RHOT1: variants seen among roughly 807,000 people sequenced by gnomAD.
RHOT1 encodes ras homolog family member T1.
In RHOT1, 27 loss-of-function variants were observed where a neutral mutation model predicts 95.3. The observed-to-expected ratio is 0.28, with a 90% CI of 0.21 to 0.39. The LOEUF (loss-of-function observed/expected upper bound fraction) is 0.39, where lower values mean the gene tolerates loss of function less well. RHOT1 is among the 10% of genes least tolerant of loss of function. RHOT1 has a pLI of 1.00. For synonymous variants in RHOT1, 227 were observed against 263.5 expected (o/e 0.86, Z 1.34); for missense variants, 578 against 786.7 (o/e 0.73, Z 3.17).
At chr17:32,201,133 A>ATTTTTTAAT in intron 14 of RHOT1, 77 bp downstream of exon 14, 1 of 800,312 alleles carries the variant, frequency 1.2e-6, no homozygotes, top group Non-Finnish European at 2.0e-6. Context: ...ACAAAGAGTA[A>ATTTTTTAAT]GAATACACTC....
chr17:32,192,332 C>CTTTTTT (rs397857197), intron 9 of RHOT1, 33 bp downstream of exon 9: 82 of 543,448 alleles, frequency 1.5e-4, no homozygotes, highest in South Asian at 3.7e-4. Flanking sequence ...ATTTGCGTAT[C>CTTTTTT]TTTTTTTTTT....
At chr17:32,154,482 G>A (rs2032714160) in intron 1 of RHOT1, among the ~76,000 whole-genome samples, 2 of 151,386 alleles carry the variant, frequency 1.3e-5, no homozygotes, top group South Asian at 4.2e-4. Context: ...AGCTACTCGG[G>A]AGGCTGAGGC....
intron 1 of RHOT1, among the ~76,000 whole-genome samples, chr17:32,155,479 TTTTC>T (rs947373123): frequency 9.2e-5 from 14 of 151,436 alleles, no homozygotes; most frequent in African/African-American, 1.9e-4. Context: ...TTTCTTTTCT[TTTTC>T]TTTCTTTCTT....
At position 32,183,241 on chromosome 17, in the gene RHOT1, C is replaced by T; in HGVS notation, c.509C>T (p.Thr170Ile). 1.3e-6 allele frequency: 2 copies of T among 1,546,300 alleles called. No individual in the cohort carries two copies. The highest frequency in any genetic ancestry group is 1.3e-5 in the South Asian group (1 of 79,928). ...YYAQKAVLHPTGPLYCPEEKE... is the reference protein window; with the variant it reads ...YYAQKAVLHPIGPLYCPEEKE... Reference sequence around the variant, plus strand: ...GCACAGAAAGCTGTTCTTCATCCTACAGGGCCCCTGTACTGCCCAGAGGAG... The same window carrying T: ...GCACAGAAAGCTGTTCTTCATCCTATAGGGCCCCTGTACTGCCCAGAGGAG... The change falls in exon 8 of 20, where the codon ACA (threonine) becomes ATA (isoleucine). Residue 170 changes from threonine to isoleucine, a missense_variant. By Grantham distance (89) the Thr-to-Ile change is moderately conservative (BLOSUM62 -1). Around this residue, in one of 4 missense-constraint regions of RHOT1, gnomAD observed 227 missense variants for 316.0 expected, o/e 0.72. Transcript: ENST00000545287.
chr17:32,180,960 C>T (rs2035589824), intron 6 of RHOT1, among the ~76,000 whole-genome samples: 1 of 152,232 alleles, frequency 6.6e-6, no homozygotes, highest in Non-Finnish European at 1.5e-5. Context: ...GCTGAAATTA[C>T]AGGCGTGAGC....
intron 2 of RHOT1, 91 bp from the exon 3 acceptor site, chr17:32,173,739 AC>A: frequency 1.1e-6 from 1 of 874,628 alleles, no homozygotes. Flanking sequence ...GAAACACTCA[AC>A]CTGTGTAGAT....
At chr17:32,177,490 T>C (rs1424958704) in intron 6 of RHOT1, among the ~76,000 whole-genome samples, 3 of 152,246 alleles carry the variant, frequency 2.0e-5, no homozygotes, top group African/African-American at 7.2e-5. Flanking sequence ...GTGCGGTGGC[T>C]CACGCCTGTA....
At chr17:32,202,938 T>C in intron 15 of RHOT1, 38 bp downstream of exon 15, 1 of 1,589,486 alleles carries the variant, frequency 6.3e-7, no homozygotes, top group East Asian at 2.2e-5. Context: ...ATCCAACAAA[T>C]TTTTATAGTT....
chr17:32,163,745 G>GA (rs572534526), intron 1 of RHOT1, among the ~76,000 whole-genome samples: 113 of 145,468 alleles, frequency 7.8e-4, no homozygotes, highest in African/African-American at 2.0e-3. Context: ...AAAAGAAAGG[G>GA]AAAAAAAAAA....
chr17:32,173,979 T>C (rs1230522383), intron 3 of RHOT1, 67 bp downstream of exon 3: 1 of 1,109,246 alleles, frequency 9.0e-7, no homozygotes, highest in African/African-American at 1.6e-5. Context: ...AGATACTTAC[T>C]GAGCTTTTAC....
intron 8 of RHOT1, among the ~76,000 whole-genome samples, chr17:32,184,639 C>T (rs892363788): frequency 5.3e-5 from 8 of 151,774 alleles, no homozygotes; most frequent in South Asian, 2.1e-4. Context: ...TGTAGGCATT[C>T]GCCACCGTGC....
At chr17:32,167,195 TC>T (rs2034162294) in intron 1 of RHOT1, among the ~76,000 whole-genome samples, 3 of 151,994 alleles carry the variant, frequency 2.0e-5, no homozygotes, top group African/African-American at 7.2e-5. Context: ...TTGAAAGGAA[TC>T]TTTTTTTTTT....
chr17:32,147,855 A>G (rs905123784), intron 1 of RHOT1, among the ~76,000 whole-genome samples: 13 of 152,042 alleles, frequency 8.6e-5, no homozygotes, highest in African/African-American at 2.2e-4. Context: ...TCCAGTTTCA[A>G]TTACACTGTG....
At chr17:32,207,092 G>A (rs1420478572) in intron 17 of RHOT1, 63 bp downstream of exon 17, 37 of 1,494,072 alleles carry the variant, frequency 2.5e-5, no homozygotes, top group Non-Finnish European at 3.3e-5. Context: ...TGGAATTGCA[G>A]TGTGGTGTTT....
chr17:32,203,358 C>G (rs1008275862), intron 15 of RHOT1, among the ~76,000 whole-genome samples: 3 of 149,286 alleles, frequency 2.0e-5, no homozygotes, highest in African/African-American at 7.5e-5. Context: ...TCACTGCAGC[C>G]TCAACCACCT....
chr17:32,151,525 T>C (rs138405190), intron 1 of RHOT1: 334 of 556,056 alleles, frequency 6.0e-4, no homozygotes, highest in African/African-American at 5.6e-3. Context: ...AAATCTGTCA[T>C]GAATCCCCTT....
intron 8 of RHOT1, among the ~76,000 whole-genome samples, chr17:32,188,761 A>G (rs760075723): frequency 4.6e-5 from 7 of 152,228 alleles, no homozygotes; most frequent in South Asian, 2.1e-4. Flanking sequence ...GTAAGTACCT[A>G]CATGACATGC....
At chr17:32,149,103 A>G (rs957606752) in intron 1 of RHOT1, among the ~76,000 whole-genome samples, 1 of 152,160 alleles carries the variant, frequency 6.6e-6, no homozygotes, top group Non-Finnish European at 1.5e-5. Context: ...TTCTCAGGCA[A>G]AATAGAAGAA....
chr17:32,201,018 T>C lies in RHOT1; in HGVS notation c.1163T>C (p.Ile388Thr). 6.2e-7 allele frequency: 1 copy of C among 1,611,866 alleles called. No homozygotes were observed. Among genetic ancestry groups the C allele is most frequent in the Non-Finnish European group, 8.5e-7 (1 of 1,178,792 alleles). Residue 388 changes from isoleucine (I) to threonine (T), a missense_variant, in exon 14 of 20, where the codon ATA becomes ACA. Around this residue, in one of 4 missense-constraint regions of RHOT1, gnomAD observed 296 missense variants for 338.5 expected, o/e 0.87. Transcript: ENST00000545287. ...LEYLGYLGYS[I>T]LTEQESQASA... The stretch of plus-strand genomic sequence containing the variant: ...TATTTGGGCTATCTAGGCTATTCAA[T>C]ATTGACTGAGCAAGAGTCTCAAGCT...
Sources: allele counts gnomAD v4.1 joint callset (sites outside exome capture counted in the v4.1 genomes callset), GRCh38; gene constraint gnomAD v4.1.1; regional missense constraint gnomAD v4.1.1; transcripts MANE v1.5; gene names NCBI Gene and HGNC (gene_info 2026-07-23, HGNC 2026-07-21).